Variants in WDPCP observed in about 807,000 individuals in gnomAD.
WDPCP encodes WD repeat containing planar cell polarity effector.
WDPCP carries 71 observed loss-of-function variants against 93.1 expected under a neutral mutation model. That is an observed-to-expected ratio of 0.76 (90% CI 0.63 to 0.93). The LOEUF (loss-of-function observed/expected upper bound fraction) is 0.93, where lower values mean the gene tolerates loss of function less well. WDPCP is among the 40% of genes least tolerant of loss of function. WDPCP has a pLI of 0.00. For missense variants in WDPCP, 844 were observed against 887.4 expected (o/e 0.95, Z 0.62); for synonymous variants, 315 against 315.0 (o/e 1.00, Z 0.00).
intron 2 of WDPCP, among the ~76,000 whole-genome samples, chr2:63,656,458 G>GGGCT (rs1357352266): frequency 6.6e-6 from 1 of 152,202 alleles, no homozygotes; most frequent in Non-Finnish European, 1.5e-5. Context: ...GGCTACAGGC[G>GGGCT]GGCTGAGAGG....
At chr2:63,383,071 A>G (rs2104914044) in intron 10 of WDPCP, among the ~76,000 whole-genome samples, 1 of 152,268 alleles carries the variant, frequency 6.6e-6, no homozygotes, top group East Asian at 1.9e-4. Context: ...GAAAGAACTC[A>G]TCTATTGAGA....
chr2:63,211,347 C>T (rs1033692365), intron 14 of WDPCP, among the ~76,000 whole-genome samples: 1 of 152,206 alleles, frequency 6.6e-6, no homozygotes, highest in Non-Finnish European at 1.5e-5. Flanking sequence ...CCCAGGCAAA[C>T]AGGGTCTGGA....
chr2:63,169,797 A>C lies in WDPCP; in HGVS notation c.2078+4873T>G, dbSNP rs150088320. Among the ~76,000 whole-genome samples the C allele has an allele frequency of 1.1e-3, 160 of 151,646 alleles. 2 individuals are homozygous for C. Among genetic ancestry groups the C allele is most frequent in the Non-Finnish European group, 6.3e-4 (43 of 67,918 alleles). On this transcript the variant is annotated intron_variant, in intron 15 of 17. Coordinates refer to ENST00000272321, the MANE Select transcript of WDPCP (RefSeq NM_015910.7). Reference sequence around the variant, plus strand: ...TCCGCCATTTTCAATGTTTTTAATTAAGTTTTATTATGAGTTTATTCTCAT... The same window carrying C: ...TCCGCCATTTTCAATGTTTTTAATTCAGTTTTATTATGAGTTTATTCTCAT...
intron 12 of WDPCP, among the ~76,000 whole-genome samples, chr2:63,356,501 T>C (rs555316020): frequency 6.6e-6 from 1 of 152,322 alleles, no homozygotes; most frequent in East Asian, 1.9e-4. Flanking sequence ...ATGTGGCACA[T>C]ATTCTAAAAT....
chr2:63,792,869 A>T (rs1575774415), intron 2 of WDPCP, among the ~76,000 whole-genome samples: 1 of 152,054 alleles, frequency 6.6e-6, no homozygotes. Flanking sequence ...TAGAAAAAAA[A>T]ATCACTCCAA....
At chr2:63,329,713 TG>T (rs111699267) in intron 12 of WDPCP, among the ~76,000 whole-genome samples, 3 of 152,318 alleles carry the variant, frequency 2.0e-5, no homozygotes, top group Non-Finnish European at 2.9e-5. Context: ...TGAATTTTTT[TG>T]GTACCCTTTG....
chr2:63,404,142 C>T lies in WDPCP; in HGVS notation c.1341G>A (p.Gln447=). ...SLVQMQWIAP[Q]VVSQKGEGSD... ...TACCTTCACCCTTCTGAGAAACAAC[C>T]TGAGGAGCTATCCATTGCATTTGAA... The change falls in exon 10 of 18, where the codon CAG becomes CAA. Residue 447 remains glutamine, a synonymous_variant. Coordinates refer to ENST00000272321, the MANE Select transcript of WDPCP (RefSeq NM_015910.7). The T allele has an allele frequency of 6.2e-7, 1 of 1,614,062 alleles. No individual in the cohort carries two copies. Among genetic ancestry groups the T allele is most frequent in the Non-Finnish European group, 8.5e-7 (1 of 1,180,002 alleles).
At chr2:63,257,081 G>T (rs972418142) in intron 14 of WDPCP, among the ~76,000 whole-genome samples, 1 of 152,180 alleles carries the variant, frequency 6.6e-6, no homozygotes, top group Middle Eastern at 3.4e-3. Context: ...TCAATAAAAA[G>T]TTTAAAAAAT....
intron 2 of WDPCP, among the ~76,000 whole-genome samples, chr2:63,778,237 T>TCA (rs1575770789): frequency 6.6e-6 from 1 of 151,374 alleles, no homozygotes; most frequent in Non-Finnish European, 1.5e-5. Context: ...AGACAGAGTC[T>TCA]CACTCTGTCT....
intron 2 of WDPCP, among the ~76,000 whole-genome samples, chr2:63,732,707 A>G (rs1288497678): frequency 6.6e-6 from 1 of 152,188 alleles, no homozygotes; most frequent in African/African-American, 2.4e-5. Flanking sequence ...AAAATATTCG[A>G]TAGGGGCAGC....
intron 6 of WDPCP, among the ~76,000 whole-genome samples, chr2:63,477,230 A>C (rs986823837): frequency 1.3e-5 from 2 of 152,178 alleles, no homozygotes; most frequent in African/African-American, 4.8e-5. Context: ...ATAGTATATT[A>C]ATGTTAAAAC....
At chr2:63,586,123 C>T (rs1030947038) in intron 1 of WDPCP, among the ~76,000 whole-genome samples, 1 of 152,124 alleles carries the variant, frequency 6.6e-6, no homozygotes, top group African/African-American at 2.4e-5. Flanking sequence ...AGCCACCACG[C>T]CTAGCTGTGG....
At chr2:63,234,763 T>C (rs545114352) in intron 14 of WDPCP, among the ~76,000 whole-genome samples, 1 of 152,290 alleles carries the variant, frequency 6.6e-6, no homozygotes, top group African/African-American at 2.4e-5. Context: ...CATTGTAGTA[T>C]AGAATGTATG....
intron 2 of WDPCP, among the ~76,000 whole-genome samples, chr2:63,718,371 C>T (rs1669367873): frequency 6.6e-6 from 1 of 152,132 alleles, no homozygotes; most frequent in Non-Finnish European, 1.5e-5. Context: ...TATGTTCTTA[C>T]CAACAATGTA....
intron 2 of WDPCP, among the ~76,000 whole-genome samples, chr2:63,654,621 T>G (rs1710145088): frequency 6.6e-6 from 1 of 152,156 alleles, no homozygotes; most frequent in Non-Finnish European, 1.5e-5. Flanking sequence ...TGTCCCTCAG[T>G]GTCTGTGGGA....
At chr2:63,481,409 A>C (rs1700258950) in intron 6 of WDPCP, among the ~76,000 whole-genome samples, 1 of 152,092 alleles carries the variant, frequency 6.6e-6, no homozygotes, top group Non-Finnish European at 1.5e-5. Context: ...CGAGATGAAA[A>C]GAAGTCATTA....
chr2:63,423,289 T>C (rs1696011013), intron 9 of WDPCP, among the ~76,000 whole-genome samples: 2 of 152,348 alleles, frequency 1.3e-5, no homozygotes, highest in South Asian at 2.1e-4. Flanking sequence ...TAACACAGTA[T>C]ATGCATTTTT....
chr2:63,719,755 G>A (rs1451378309), intron 2 of WDPCP, among the ~76,000 whole-genome samples: 2 of 151,742 alleles, frequency 1.3e-5, no homozygotes, highest in Non-Finnish European at 2.9e-5. Context: ...TAAATTATAA[G>A]GCTTATAATT....
At chr2:63,245,287 C>T (rs553211080) in intron 14 of WDPCP, among the ~76,000 whole-genome samples, 2 of 152,038 alleles carry the variant, frequency 1.3e-5, no homozygotes, top group African/African-American at 2.4e-5. Context: ...CTCACTGTGT[C>T]GTTTTGTGTA....
Sources: allele counts gnomAD v4.1 joint callset (sites outside exome capture counted in the v4.1 genomes callset), GRCh38; gene constraint gnomAD v4.1.1; transcripts MANE v1.5; gene names NCBI Gene and HGNC (gene_info 2026-07-23, HGNC 2026-07-21).